The following RALYL variants were observed in gnomAD, a reference collection of about 807,000 sequenced individuals.
RALYL encodes the protein RNA-binding Raly-like protein.
A neutral mutation model predicts 35.1 loss-of-function variants in RALYL; 29 were observed. That is an observed-to-expected ratio of 0.83 (90% CI 0.61 to 1.13). RALYL has a LOEUF of 1.13. Among genes scored for constraint, RALYL ranks in the 50% most tolerant of loss-of-function variants. The probability of loss-of-function intolerance (pLI) is 0.00; values close to 1 mark genes in which losing one functional copy is unlikely to be tolerated. For missense variants in RALYL, 359 were observed against 360.4 expected, an observed-to-expected ratio of 1.00 and a Z score of 0.03; for synonymous variants, 120 against 127.6, an observed-to-expected ratio of 0.94 and a Z score of 0.40.
intron 1 of RALYL, among the ~76,000 whole-genome samples, chr8:84,218,823 G>C (rs73297875): frequency 1.3e-5 from 2 of 152,040 alleles, no homozygotes; most frequent in Non-Finnish European, 2.9e-5. Context: ...AGTGCCCAGC[G>C]TGTGGTTGGT....
chr8:84,183,997 T>C lies in RALYL; in HGVS notation c.-451T>C, dbSNP rs915673980. On this transcript the variant is annotated 5_prime_UTR_variant, in exon 1 of 9. Transcript: ENST00000521268. ...GATTTTACGGCAGTGTTTACAAGTT[T>C]GTGGTCTTGCAATACTGGTGCAAAC... 6.6e-6 allele frequency: 1 copy of C among 152,290 alleles called. No individual in the cohort carries two copies. The highest frequency in any genetic ancestry group is 2.4e-5 in the African/African-American group (1 of 41,474). The allele number at this position is 152,290 out of a possible 1,614,324, so 9.4% of individuals were successfully genotyped here.
Position 84,427,588 on chromosome 8 carries a change from T to A in RALYL, c.-23-101711T>A, listed in dbSNP as rs73306332. On this transcript the variant is annotated intron_variant, in intron 1 of 8. Coordinates refer to ENST00000521268, the MANE Select transcript of RALYL (RefSeq NM_173848.7). ...TCTGTTCTTTAGTATCATTTTTTAC[T>A]ACTGGCCCTTAGGCATCCTGTGCCT... is the stretch of plus-strand genomic sequence containing the variant. Among the ~76,000 whole-genome samples the A allele has an allele frequency of 3.9e-3, 588 of 152,306 alleles. 6 individuals carry two copies. Among genetic ancestry groups the A allele is most frequent in the African/African-American group, 0.013 (559 of 41,578 alleles).
intron 4 of RALYL, among the ~76,000 whole-genome samples, chr8:84,808,672 G>A (rs1230278333): frequency 1.3e-5 from 2 of 152,048 alleles, no homozygotes; most frequent in Non-Finnish European, 2.9e-5. Context: ...TGTCATCTGT[G>A]ATTTCTTTCA....
At chr8:84,669,169 G>C (rs1832689198) in intron 2 of RALYL, among the ~76,000 whole-genome samples, 1 of 152,076 alleles carries the variant, frequency 6.6e-6, no homozygotes, top group Non-Finnish European at 1.5e-5. Context: ...TGTTGGTTTT[G>C]TCAGATCACC....
At chr8:84,589,935 C>G (rs189720825) in intron 2 of RALYL, among the ~76,000 whole-genome samples, 15 of 152,252 alleles carry the variant, frequency 9.9e-5, no homozygotes, top group African/African-American at 3.1e-4. Context: ...TGATTGTGTT[C>G]TAATGAGAGG....
intron 1 of RALYL, chr8:84,184,742 G>C: frequency 2.5e-6 from 1 of 402,004 alleles, no homozygotes; most frequent in Non-Finnish European, 4.4e-6. Context: ...CCGGGCACTA[G>C]GCGGCCGGCG....
chr8:84,461,577 T>C (rs1319619372), intron 1 of RALYL, among the ~76,000 whole-genome samples: 1 of 151,792 alleles, frequency 6.6e-6, no homozygotes, highest in Non-Finnish European at 1.5e-5. Context: ...TTTAGTACAG[T>C]TGTAAAATCT....
Position 84,862,472 on chromosome 8 carries a change from T to G in RALYL, c.571+19T>G, listed in dbSNP as rs1838306926. 2.0e-6 allele frequency: 3 copies of G among 1,524,020 alleles called. No individual in the cohort carries two copies. The highest frequency in any genetic ancestry group is 4.8e-5 in the East Asian group (2 of 41,418). The allele number at this position is 1,524,020 out of a possible 1,614,324, so 94.4% of individuals were successfully genotyped here. On this transcript the variant is annotated intron_variant, in intron 6 of 8. Coordinates refer to ENST00000521268, the MANE Select transcript of RALYL (RefSeq NM_173848.7). ...TCTAAATGTAAGTAATGTCCTTCAT[T>G]TTATTTCTCTTTAAAGAAGGGAGTG...
rs140016338 is a variant in RALYL, at chr8:84,522,862, G to A, written c.-23-6437G>A. 5.7e-3 allele frequency among the ~76,000 whole-genome samples: 863 copies of A among 152,170 alleles called. 9 individuals carry two copies. Among genetic ancestry groups the A allele is most frequent in the Admixed American group, 9.9e-3 (151 of 15,282 alleles). On this transcript the variant is annotated intron_variant, in intron 1 of 8. Coordinates refer to ENST00000521268, the MANE Select transcript of RALYL (RefSeq NM_173848.7). ...TGGTGGACTCTCATGAATACTTGAT[G>A]TATTATTCCATTCTCATGCTGCTAA...
At chr8:84,682,250 T>A (rs983026280) in intron 2 of RALYL, among the ~76,000 whole-genome samples, 16 of 152,324 alleles carry the variant, frequency 1.1e-4, no homozygotes, top group African/African-American at 3.8e-4. Flanking sequence ...GCCATTATTG[T>A]ATTGAGGATT....
At chr8:84,366,901 A>G (rs569956622) in intron 1 of RALYL, among the ~76,000 whole-genome samples, 1 of 151,926 alleles carries the variant, frequency 6.6e-6, no homozygotes, top group East Asian at 1.9e-4. Context: ...AGATTTTCAC[A>G]ACAGTGGCAA....
chr8:84,517,294 A>G (rs928320607), intron 1 of RALYL, among the ~76,000 whole-genome samples: 5 of 152,334 alleles, frequency 3.3e-5, no homozygotes, highest in African/African-American at 1.2e-4. Context: ...ACCAAAGCTT[A>G]TATAACATCA....
At chr8:84,312,515 A>G (rs1842992241) in intron 1 of RALYL, among the ~76,000 whole-genome samples, 1 of 152,218 alleles carries the variant, frequency 6.6e-6, no homozygotes, top group African/African-American at 2.4e-5. Flanking sequence ...GTTACTTCCT[A>G]GATACAGTGG....
chr8:84,914,688 G>T (rs1848146942), intron 8 of RALYL, among the ~76,000 whole-genome samples: 1 of 151,662 alleles, frequency 6.6e-6, no homozygotes, highest in Non-Finnish European at 1.5e-5. Context: ...CAACATAAAA[G>T]GTCTTTTTCA....
At chr8:84,255,974 A>C (rs1831129493) in intron 1 of RALYL, among the ~76,000 whole-genome samples, 1 of 152,160 alleles carries the variant, frequency 6.6e-6, no homozygotes, top group Non-Finnish European at 1.5e-5. Flanking sequence ...TTCATTTAAA[A>C]ATATTTTGAA....
In RALYL at chr8:84,310,789, T is replaced by G. The variant is rs181704472; in HGVS notation, c.-24+126365T>G. The stretch of plus-strand genomic sequence containing the variant: ...TAGGCCGGGTGCGGTGGCTCACGCC[T>G]GTAATCCCAGCACTTTGGGAGGCCG... On this transcript the variant is annotated intron_variant, in intron 1 of 8. Coordinates refer to ENST00000521268, the MANE Select transcript of RALYL (RefSeq NM_173848.7). 3.4e-3 allele frequency among the ~76,000 whole-genome samples: 468 copies of G among 138,120 alleles called. 31 individuals carry two copies. The highest frequency in any genetic ancestry group is 0.012 in the African/African-American group (413 of 34,876). The allele number at this position is 138,120 out of a possible 152,430, so 90.6% of individuals were successfully genotyped here. A position where few individuals can be genotyped will look rare whatever the true frequency, so the allele number is the denominator to read the frequency against.
intron 1 of RALYL, among the ~76,000 whole-genome samples, chr8:84,239,333 C>T (rs2131545791): frequency 6.6e-6 from 1 of 152,258 alleles, no homozygotes; most frequent in Non-Finnish European, 1.5e-5. Context: ...AAATTTGGGT[C>T]ATTTTCTAAT....
chr8:84,467,360 T>G lies in RALYL; in HGVS notation c.-23-61939T>G, dbSNP rs2051860103. On this transcript the variant is annotated intron_variant, in intron 1 of 8. Coordinates refer to ENST00000521268, the MANE Select transcript of RALYL (RefSeq NM_173848.7). ...ATGTTGTGTCTTTGTTCTCGTTGGT[T>G]TCAAAGAACATCTTTATTTCTGCCT... 2.6e-5 allele frequency among the ~76,000 whole-genome samples: 4 copies of G among 152,016 alleles called. No homozygotes were observed. In the South Asian group the frequency reaches 8.3e-4, roughly 32 times the overall value.
chr8:84,510,055 A>AT, intron 1 of RALYL, among the ~76,000 whole-genome samples: 1 of 152,172 alleles, frequency 6.6e-6, no homozygotes, highest in Non-Finnish European at 1.5e-5. Context: ...ATTTCCTGGA[A>AT]TTTTTATTGA....
Sources: gnomAD v4.1 joint callset for allele counts (sites outside exome capture counted in the v4.1 genomes callset) on GRCh38, gnomAD v4.1.1 for gene constraint, MANE v1.5 for transcripts, NCBI Gene and HGNC (gene_info 2026-07-23, HGNC 2026-07-21) for gene names.